The following DEFA6 variants were observed in gnomAD, a reference collection of about 807,000 sequenced individuals.
The protein encoded by DEFA6 is defensin alpha 6.
A neutral mutation model predicts 5.1 loss-of-function variants in DEFA6; 8 were observed. That is an observed-to-expected ratio of 1.57 (90% CI 0.92 to 2.83). The LOEUF is 2.83. Among genes scored for constraint, DEFA6 ranks in the 30% most tolerant of loss-of-function variants. The pLI, the probability that DEFA6 is intolerant of heterozygous loss-of-function variation, is 0.00. For synonymous variants in DEFA6, 74 were observed against 45.3 expected (o/e 1.63, Z -2.54); for missense variants, 191 against 119.1 (o/e 1.60, Z -2.81).
chr8:6,924,826 A>T lies in DEFA6; in HGVS notation c.295T>A (p.Cys99Ser), dbSNP rs1808368838. The T allele has an allele frequency of 6.2e-7, 1 of 1,600,474 alleles. No homozygotes were observed. Among genetic ancestry groups the T allele is most frequent in the Non-Finnish European group, 8.6e-7 (1 of 1,168,786 alleles). Residue 99 changes from cysteine (C) to serine (S), a missense_variant, in exon 2 of 2, where the codon TGC (cysteine) becomes AGC (serine). Coordinates refer to ENST00000297436, the MANE Select transcript of DEFA6 (RefSeq NM_001926.4). ...CTCTCTGTTCTCATCCCTCAGAGGCAGCAGAATCTGTGGTTAATACCCATG... is the reference window on the plus strand; with the variant it reads ...CTCTCTGTTCTCATCCCTCAGAGGCTGCAGAATCTGTGGTTAATACCCATG... ...TVMGINHRFC[C>S]L
At chr8:6,925,067 T>C (rs191201019) in intron 1 of DEFA6, 140 bp from the exon 2 acceptor site, 10 of 599,280 alleles carry the variant, frequency 1.7e-5, no homozygotes, top group African/African-American at 1.5e-4. Flanking sequence ...ACACCATCAA[T>C]AGGAATAAAT....
At chr8:6,925,584 C>G (rs771291461) in intron 1 of DEFA6, among the ~76,000 whole-genome samples, 1 of 152,154 alleles carries the variant, frequency 6.6e-6, no homozygotes, top group Non-Finnish European at 1.5e-5. Flanking sequence ...GGCTCTCTTC[C>G]TTGAAGTAGA....
Position 6,925,851 on chromosome 8 carries a change from C to G in DEFA6, c.185G>C (p.Arg62Thr), listed in dbSNP as rs762030666. 6.2e-6 allele frequency: 10 copies of G among 1,612,246 alleles called. No homozygotes were observed. The African/African-American group carries it at 6.7e-5, about 11-fold the overall frequency. The change falls in exon 1 of 2, where the codon AGA becomes ACA. Residue 62 changes from arginine (R) to threonine (T), a missense_variant. By Grantham distance (71) the Arg-to-Thr change is moderately conservative. Coordinates refer to ENST00000297436, the MANE Select transcript of DEFA6 (RefSeq NM_001926.4). Reference protein sequence around the residue: ...SFAEDASSSLRALGSTRAFTC... With the variant: ...SFAEDASSSLTALGSTRAFTC... ...ATGCTGGTGTCTCTTACCCAAAGCT[C>G]TAAGACTTGAGCTTGCATCCTCTGC...
chr8:6,925,790 G>C (rs1348408906), intron 1 of DEFA6, 53 bp downstream of exon 1: 33 of 1,493,420 alleles, frequency 2.2e-5, no homozygotes, highest in Non-Finnish European at 2.7e-5. Context: ...AATTCTAGAA[G>C]TGCTTGGTTT....
Position 6,925,832 on chromosome 8 carries a change from G to A in DEFA6, c.193+11C>T. ...CTACACTCCTAGCTCTGCAATGCTG[G>A]TGTCTCTTACCCAAAGCTCTAAGAC... On this transcript the variant is annotated intron_variant, in intron 1 of 1. Coordinates refer to ENST00000297436, the MANE Select transcript of DEFA6 (RefSeq NM_001926.4). 1 of 1,602,310 alleles carries A rather than the reference G, an allele frequency of 6.2e-7. No individual in the cohort carries two copies. The highest frequency in any genetic ancestry group is 8.5e-7 in the Non-Finnish European group (1 of 1,174,636).
At chr8:6,925,506 G>GA (rs1160277850) in intron 1 of DEFA6, among the ~76,000 whole-genome samples, 1 of 152,126 alleles carries the variant, frequency 6.6e-6, no homozygotes, top group Non-Finnish European at 1.5e-5. Flanking sequence ...CAGCCTGGGT[G>GA]ACAGAGCGAG....
rs866258632 is a variant in DEFA6, at chr8:6,924,766, C to T, written c.*52G>A. ...CAATGTATAGGACACACGACAGTTTCCTTCTAGGTCATAAAGTAAATTATG... is the reference window on the plus strand; with the variant it reads ...CAATGTATAGGACACACGACAGTTTTCTTCTAGGTCATAAAGTAAATTATG... On this transcript the variant is annotated 3_prime_UTR_variant, in exon 2 of 2. Transcript: ENST00000297436. The T allele has an allele frequency of 7.6e-6, 10 of 1,312,980 alleles. No individual in the cohort carries two copies. Among genetic ancestry groups the T allele is most frequent in the Non-Finnish European group, 9.7e-6 (9 of 927,402 alleles). The allele number at this position is 1,312,980 out of a possible 1,614,324, so 81.3% of individuals were successfully genotyped here.
chr8:6,925,287 A>T (rs1248982194), intron 1 of DEFA6, among the ~76,000 whole-genome samples: 1 of 152,156 alleles, frequency 6.6e-6, no homozygotes, highest in Non-Finnish European at 1.5e-5. Flanking sequence ...TTGGGAGGCC[A>T]AGGTGGGTTT....
rs1045751726 is a variant in DEFA6, at chr8:6,924,774, G to T, written c.*44C>A. 1.5e-6 allele frequency: 2 copies of T among 1,371,118 alleles called. No homozygotes were observed. The highest frequency in any genetic ancestry group is 2.1e-6 in the Non-Finnish European group (2 of 972,622). 84.9% of individuals were successfully genotyped at this position (1,371,118 alleles called of 1,614,324 possible). ...AGGACACACGACAGTTTCCTTCTAG[G>T]TCATAAAGTAAATTATGAATATATT... On this transcript the variant is annotated 3_prime_UTR_variant, in exon 2 of 2. Transcript: ENST00000297436.
intron 1 of DEFA6, among the ~76,000 whole-genome samples, chr8:6,925,514 G>A (rs1252626520): frequency 6.6e-6 from 1 of 152,108 alleles, no homozygotes; most frequent in South Asian, 2.1e-4. Context: ...GTGACAGAGC[G>A]AGACTCCATC....
In DEFA6 at chr8:6,924,751, GAC is replaced by G; in HGVS notation, c.*65_*66del. ...AAACAAAGTTGATGGCAATGTATAG[GAC>G]ACACGACAGTTTCCTTCTAGGTCAT... is the stretch of plus-strand genomic sequence containing the variant. On this transcript the variant is annotated 3_prime_UTR_variant, in exon 2 of 2. Transcript: ENST00000297436. 9.0e-7 allele frequency: 1 copy of G among 1,110,682 alleles called. No homozygotes were observed. The allele number at this position is 1,110,682 out of a possible 1,614,324, so 68.8% of individuals were successfully genotyped here.
chr8:6,925,831 G>C lies in DEFA6; in HGVS notation c.193+12C>G, dbSNP rs908660269. The C allele has an allele frequency of 6.2e-7, 1 of 1,601,838 alleles. No individual in the cohort carries two copies. Among genetic ancestry groups the C allele is most frequent in the East Asian group, 2.2e-5 (1 of 44,748 alleles). On this transcript the variant is annotated intron_variant, in intron 1 of 1. Coordinates refer to ENST00000297436, the MANE Select transcript of DEFA6 (RefSeq NM_001926.4). ...TCTACACTCCTAGCTCTGCAATGCT[G>C]GTGTCTCTTACCCAAAGCTCTAAGA...
intron 1 of DEFA6, 24 bp downstream of exon 1, chr8:6,925,819 C>T (rs777247194): frequency 6.3e-7 from 1 of 1,588,838 alleles, no homozygotes; most frequent in East Asian, 2.2e-5. Flanking sequence ...ACACTCCTAG[C>T]TCTGCAATGC....
rs757012875 is a variant in DEFA6, at chr8:6,924,807, G to C, written c.*11C>G. On this transcript the variant is annotated 3_prime_UTR_variant, in exon 2 of 2. Coordinates refer to ENST00000297436, the MANE Select transcript of DEFA6 (RefSeq NM_001926.4). The stretch of plus-strand genomic sequence containing the variant: ...GTAAATTATGAATATATTTCTCTCT[G>C]TTCTCATCCCTCAGAGGCAGCAGAA... 4 of 1,563,286 alleles carry C rather than the reference G, an allele frequency of 2.6e-6. No homozygotes were observed. The African/African-American group carries it at 4.1e-5, about 16-fold the overall frequency.
Position 6,925,945 on chromosome 8 carries a change from C to G in DEFA6, c.91G>C (p.Ala31Pro). ...PLQAEDDPLQAKAYEADAQEQ... is the reference protein window; with the variant it reads ...PLQAEDDPLQPKAYEADAQEQ... ...TGGGCATCAGCCTCATAAGCTTTTG[C>G]CTGCAGTGGATCATCCTCAGCTTGG... The change falls in exon 1 of 2, where the codon GCA becomes CCA. Residue 31 changes from alanine (A) to proline (P), a missense_variant. Physicochemically the swap from Ala to Pro is conservative, Grantham distance 27 (BLOSUM62 -1). Coordinates refer to ENST00000297436, the MANE Select transcript of DEFA6 (RefSeq NM_001926.4). 1 of 1,614,000 alleles carries G rather than the reference C, an allele frequency of 6.2e-7. No homozygotes were observed. Among genetic ancestry groups the G allele is most frequent in the Non-Finnish European group, 8.5e-7 (1 of 1,179,980 alleles).
intron 1 of DEFA6, among the ~76,000 whole-genome samples, chr8:6,925,340 G>A (rs1479310808): frequency 6.8e-6 from 1 of 147,312 alleles, no homozygotes; most frequent in East Asian, 2.0e-4. Context: ...CCAAGATGGT[G>A]AAACCCCGTC....
intron 1 of DEFA6, among the ~76,000 whole-genome samples, chr8:6,925,279 G>C (rs868129955): frequency 6.6e-6 from 1 of 152,146 alleles, no homozygotes; most frequent in Non-Finnish European, 1.5e-5. Context: ...CCAGCACTTT[G>C]GGAGGCCAAG....
At chr8:6,925,088 G>C (rs967832610) in intron 1 of DEFA6, among the ~76,000 whole-genome samples, 161 bp from the exon 2 acceptor site, 1 of 152,258 alleles carries the variant, frequency 6.6e-6, no homozygotes, top group Non-Finnish European at 1.5e-5. Flanking sequence ...ACGCAGAGCA[G>C]TGTTGGTCAC....
At position 6,924,709 on chromosome 8, in the gene DEFA6, C is replaced by T. The variant is rs556446021; in HGVS notation, c.*109G>A. On this transcript the variant is annotated 3_prime_UTR_variant, in exon 2 of 2. Transcript: ENST00000297436. ...AACACAAAAGAACTTGCTGAAAGGA[C>T]TTTATTTGAGATGAGGAAACAAAGT... The T allele has an allele frequency of 1.6e-6, 1 of 633,448 alleles. No homozygotes were observed. The highest frequency in any genetic ancestry group is 3.0e-5 in the Admixed American group (1 of 33,318). The allele number at this position is 633,448 out of a possible 1,614,324, so 39.2% of individuals were successfully genotyped here. A position where few individuals can be genotyped will look rare whatever the true frequency, so the allele number is the denominator to read the frequency against.
Sources: gnomAD v4.1 joint callset for allele counts (sites outside exome capture counted in the v4.1 genomes callset) on GRCh38, gnomAD v4.1.1 for gene constraint, MANE v1.5 for transcripts, NCBI Gene and HGNC (gene_info 2026-07-23, HGNC 2026-07-21) for gene names.